The following CRPPA variants were observed in gnomAD, a reference collection of about 807,000 sequenced individuals.
The protein encoded by CRPPA is CDP-L-ribitol pyrophosphorylase A.
In CRPPA, 43 loss-of-function variants were observed where a neutral mutation model predicts 52.0. The observed-to-expected ratio is 0.83, with a 90% CI of 0.65 to 1.07. CRPPA has a LOEUF of 1.07. Among genes scored for constraint, CRPPA ranks in the 50% least tolerant of loss-of-function variants. CRPPA has a pLI of 0.00. For synonymous variants in CRPPA, 250 were observed against 203.5 expected, an observed-to-expected ratio of 1.23 and a Z score of -1.94; for missense variants, 629 against 551.7, an observed-to-expected ratio of 1.14 and a Z score of -1.40.
intron 5 of CRPPA, among the ~76,000 whole-genome samples, chr7:16,287,599 AG>A (rs1455335342): frequency 2.6e-5 from 4 of 152,138 alleles, no homozygotes; most frequent in African/African-American, 9.7e-5. Context: ...TGAGGTCATT[AG>A]GGTAGGCCCT....
chr7:16,214,220 T>C (rs1404185303), intron 9 of CRPPA, among the ~76,000 whole-genome samples: 3 of 152,232 alleles, frequency 2.0e-5, no homozygotes, highest in East Asian at 1.9e-4. Flanking sequence ...TTATTGTTTA[T>C]GTGAAATTCA....
rs145704289 is a variant in CRPPA at position 16,356,526 on chromosome 7, G to C, written c.684+19566C>G. On this transcript the variant is annotated intron_variant, in intron 3 of 9. Coordinates refer to ENST00000407010, the MANE Select transcript of CRPPA (RefSeq NM_001101426.4). ...TGATGTCTGTCTGAGGTCCGGCTCA[G>C]GCTATAAGGAGACAGGCAGCTTCTA... Among the ~76,000 whole-genome samples the C allele has an allele frequency of 4.6e-5, 7 of 152,296 alleles. No homozygotes were observed. The East Asian group carries it at 1.4e-3, about 29-fold the overall frequency.
chr7:16,100,391 T>A (rs1782020376), intron 9 of CRPPA, among the ~76,000 whole-genome samples: 1 of 152,242 alleles, frequency 6.6e-6, no homozygotes, highest in South Asian at 2.1e-4. Flanking sequence ...CGTAAGATAC[T>A]AAAAGATAAC....
chr7:16,088,460 C>T lies in CRPPA; in HGVS notation c.*3235G>A, dbSNP rs1302114675. On this transcript the variant is annotated 3_prime_UTR_variant, in exon 10 of 10. Transcript: ENST00000407010. ...TGAGACGGAGTCTTGCTCTGTTGCC[C>T]AGGCTGGAGTGCAGTGGCGCTATGT... 1 of 145,042 alleles carries T rather than the reference C, an allele frequency of 6.9e-6. No homozygotes were observed. Among genetic ancestry groups the T allele is most frequent in the Non-Finnish European group, 1.5e-5 (1 of 67,030 alleles). The allele number at this position is 145,042 out of a possible 1,614,324, so 9.0% of individuals were successfully genotyped here. A position where few individuals can be genotyped will look rare whatever the true frequency, so the allele number is the denominator to read the frequency against.
At chr7:16,254,237 G>A (rs1309429969) in intron 8 of CRPPA, among the ~76,000 whole-genome samples, 1 of 152,016 alleles carries the variant, frequency 6.6e-6, no homozygotes, top group African/African-American at 2.4e-5. Context: ...CCCATTACTG[G>A]GTATATACCC....
At chr7:16,321,418 C>T (rs372220557) in intron 3 of CRPPA, among the ~76,000 whole-genome samples, 2 of 152,166 alleles carry the variant, frequency 1.3e-5, no homozygotes, top group Admixed American at 6.5e-5. Context: ...AGATATATCA[C>T]ATGTGACATA....
intron 2 of CRPPA, among the ~76,000 whole-genome samples, chr7:16,399,643 C>T (rs1239176860): frequency 6.6e-6 from 1 of 151,768 alleles, no homozygotes; most frequent in Non-Finnish European, 1.5e-5. Flanking sequence ...ACATGATCGA[C>T]ATGTAATCAA....
At chr7:16,150,420 G>C (rs536684529) in intron 9 of CRPPA, among the ~76,000 whole-genome samples, 8 of 152,238 alleles carry the variant, frequency 5.3e-5, no homozygotes, top group Non-Finnish European at 1.0e-4. Context: ...GGATGCTGGG[G>C]ATAAATCATC....
At chr7:16,207,444 T>C (rs949505513) in intron 9 of CRPPA, among the ~76,000 whole-genome samples, 3 of 152,188 alleles carry the variant, frequency 2.0e-5, no homozygotes, top group Admixed American at 6.5e-5. Flanking sequence ...AACGTGATGC[T>C]CTCCAATGGA....
intron 3 of CRPPA, among the ~76,000 whole-genome samples, chr7:16,323,373 T>G (rs1222159424): frequency 6.6e-6 from 1 of 152,204 alleles, no homozygotes; most frequent in Non-Finnish European, 1.5e-5. Flanking sequence ...ATTTTAGGTT[T>G]GGTCATATGA....
intron 9 of CRPPA, among the ~76,000 whole-genome samples, chr7:16,170,761 G>A (rs12534751): frequency 0.1 from 15,567 of 152,194 alleles, 921 homozygotes; most frequent in East Asian, 0.17. Context: ...GAATTCAAGC[G>A]GGGTACAGGT....
At chr7:16,363,547 A>AT (rs992876660) in intron 3 of CRPPA, among the ~76,000 whole-genome samples, 3 of 152,156 alleles carry the variant, frequency 2.0e-5, no homozygotes, top group East Asian at 1.9e-4. Context: ...TATCTATTTG[A>AT]TTTTTTTAGA....
intron 9 of CRPPA, among the ~76,000 whole-genome samples, chr7:16,096,638 G>T (rs1320923007): frequency 6.6e-6 from 1 of 152,062 alleles, no homozygotes; most frequent in Non-Finnish European, 1.5e-5. Flanking sequence ...GTTGCCCAGG[G>T]TAGAGTGCAG....
chr7:16,255,831 A>AT (rs1783623634), intron 8 of CRPPA, among the ~76,000 whole-genome samples: 1 of 152,200 alleles, frequency 6.6e-6, no homozygotes, highest in South Asian at 2.1e-4. Flanking sequence ...ACCTAAAACC[A>AT]TAAAAACCCT....
intron 9 of CRPPA, among the ~76,000 whole-genome samples, chr7:16,138,904 C>T (rs1347799215): frequency 6.6e-6 from 1 of 152,140 alleles, no homozygotes; most frequent in Non-Finnish European, 1.5e-5. Flanking sequence ...CAGGTTCAAG[C>T]AATTCTCCTG....
At chr7:16,103,475 G>C (rs981024741) in intron 9 of CRPPA, among the ~76,000 whole-genome samples, 1 of 151,878 alleles carries the variant, frequency 6.6e-6, no homozygotes, top group African/African-American at 2.4e-5. Context: ...AAATATCAAA[G>C]GTTTTAGATG....
chr7:16,172,161 C>G (rs887452784), intron 9 of CRPPA, among the ~76,000 whole-genome samples: 3 of 152,130 alleles, frequency 2.0e-5, no homozygotes, highest in Non-Finnish European at 2.9e-5. Context: ...GATTACTTGC[C>G]CACCATAGAT....
intron 9 of CRPPA, among the ~76,000 whole-genome samples, chr7:16,144,663 G>T (rs1026364112): frequency 1.1e-4 from 16 of 152,116 alleles, no homozygotes; most frequent in Non-Finnish European, 1.9e-4. Context: ...CTGGGTGGGG[G>T]GAGTCAATGA....
At chr7:16,322,932 G>A (rs1299398827) in intron 3 of CRPPA, among the ~76,000 whole-genome samples, 1 of 152,130 alleles carries the variant, frequency 6.6e-6, no homozygotes, top group Non-Finnish European at 1.5e-5. Context: ...AGAGTGGCAG[G>A]AGAGAGAATG....
Sources: gnomAD v4.1 joint callset for allele counts (sites outside exome capture counted in the v4.1 genomes callset) on GRCh38, gnomAD v4.1.1 for gene constraint, MANE v1.5 for transcripts, NCBI Gene and HGNC (gene_info 2026-07-23, HGNC 2026-07-21) for gene names.